ZNF500: variants seen among roughly 807,000 people sequenced by gnomAD.
The protein encoded by ZNF500 is zinc finger protein 500.
ZNF500 carries 31 observed loss-of-function variants against 30.1 expected under a neutral mutation model. The ratio of observed to expected loss-of-function variants is 1.03; its 90% CI spans 0.77 to 1.39. ZNF500 has a LOEUF of 1.39. Among genes scored for constraint, ZNF500 ranks in the 40% most tolerant of loss-of-function variants. The pLI, the probability that ZNF500 is intolerant of heterozygous loss-of-function variation, is 0.00. For synonymous variants in ZNF500, 392 were observed against 282.0 expected, an observed-to-expected ratio of 1.39 and a Z score of -3.91; for missense variants, 817 against 657.8, an observed-to-expected ratio of 1.24 and a Z score of -2.65.
In ZNF500 at chr16:4,752,507, T is replaced by G. The variant is rs1029558286; in HGVS notation, c.1312A>C (p.Thr438Pro). The part of the protein sequence containing the change: ...RRTHTGEKPY[T>P]CPACGRGFRR... The stretch of plus-strand genomic sequence containing the variant: ...AAGCCCCGGCCACAGGCCGGGCAGG[T>G]GTAGGGCTTCTCACCTGTGTGCGTC... Residue 438 changes from threonine to proline, a missense_variant, in exon 6 of 6, where the codon ACC (threonine) becomes CCC (proline). Coordinates refer to ENST00000219478, the MANE Select transcript of ZNF500 (RefSeq NM_021646.4). 1 of 1,555,174 alleles carries G rather than the reference T, an allele frequency of 6.4e-7. No homozygotes were observed. The highest frequency in any genetic ancestry group is 8.7e-7 in the Non-Finnish European group (1 of 1,155,418).
chr16:4,746,882 C>T, downstream of ZNF500: 1 of 1,481,108 alleles, frequency 6.8e-7, no homozygotes, highest in Non-Finnish European at 9.0e-7. Context: ...AGTTGGAACA[C>T]CAGGTGGAGT....
chr16:4,745,142 A>T, downstream of ZNF500: 1 of 1,212,444 alleles, frequency 8.2e-7, no homozygotes, highest in Non-Finnish European at 1.1e-6. Flanking sequence ...GCATCTGATC[A>T]GGCAGTCGCT....
At chr16:4,757,024 C>G (rs920105285) in intron 5 of ZNF500, among the ~76,000 whole-genome samples, 2 of 151,582 alleles carry the variant, frequency 1.3e-5, no homozygotes, top group African/African-American at 4.9e-5. Context: ...TGTTACTGCA[C>G]CCAACCTGGG....
chr16:4,765,601 T>G lies in ZNF500; in HGVS notation c.378A>C (p.Glu126Asp), dbSNP rs12919587. The change falls in exon 2 of 6, where the codon GAA becomes GAC. Residue 126 changes from glutamate to aspartate, a missense_variant. Coordinates refer to ENST00000219478, the MANE Select transcript of ZNF500 (RefSeq NM_021646.4). ...GTTTCCTGGGCTTCCGCTGCAGCCC[T>G]TCCACAAGGACCACGGCCTCCTCAC... ...ESGEEAVVLVEGLQRKPRKHR... is the reference protein window; with the variant it reads ...ESGEEAVVLVDGLQRKPRKHR... The G allele has an allele frequency of 6.2e-7, 1 of 1,609,498 alleles. No individual in the cohort carries two copies. The highest frequency in any genetic ancestry group is 1.3e-5 in the African/African-American group (1 of 74,728).
chr16:4,765,600 C>A lies in ZNF500; in HGVS notation c.379G>T (p.Gly127Trp). The A allele has an allele frequency of 1.2e-6, 2 of 1,610,066 alleles. No homozygotes were observed. Among genetic ancestry groups the A allele is most frequent in the Non-Finnish European group, 1.7e-6 (2 of 1,177,752 alleles). ...SGEEAVVLVE[G>W]LQRKPRKHRQ... Reference sequence around the variant, plus strand: ...TGTTTCCTGGGCTTCCGCTGCAGCCCTTCCACAAGGACCACGGCCTCCTCA... The same window carrying A: ...TGTTTCCTGGGCTTCCGCTGCAGCCATTCCACAAGGACCACGGCCTCCTCA... Residue 127 changes from glycine (G) to tryptophan (W), a missense_variant, in exon 2 of 6, where the codon GGG (glycine) becomes TGG (tryptophan). Transcript: ENST00000219478.
In ZNF500 at chr16:4,751,559, G is replaced by C; in HGVS notation, c.*817C>G. 6.5e-7 allele frequency: 1 copy of C among 1,531,964 alleles called. No homozygotes were observed. The highest frequency in any genetic ancestry group is 8.7e-7 in the Non-Finnish European group (1 of 1,145,734). The allele number at this position is 1,531,964 out of a possible 1,614,324, so 94.9% of individuals were successfully genotyped here. On this transcript the variant is annotated 3_prime_UTR_variant, in exon 6 of 6. Transcript: ENST00000219478. ...TTGGAAACTCTGGCAGGATGAAGAA[G>C]CTGGAGACCACGTCCTGGGAAGGCT...
intron 5 of ZNF500, chr16:4,758,469 C>T (rs1387514609): frequency 6.6e-6 from 1 of 152,214 alleles, no homozygotes; most frequent in African/African-American, 2.4e-5. Context: ...AGGGAATGAA[C>T]TGGACCACAG....
chr16:4,764,101 G>C (rs895382103), intron 2 of ZNF500: 3 of 985,324 alleles, frequency 3.0e-6, no homozygotes, highest in East Asian at 1.1e-4. Flanking sequence ...AGGAGGTGGA[G>C]AGGCACTGTC....
intron 5 of ZNF500, 102 bp from the exon 6 acceptor site, chr16:4,753,160 C>T: frequency 1.4e-6 from 2 of 1,450,450 alleles, no homozygotes. Flanking sequence ...TAAGGTTCCC[C>T]TACAAAACAT....
rs1483702449 is a variant in ZNF500 at position 4,752,643 on chromosome 16, C to G, written c.1176G>C (p.Gln392His). 2 of 1,612,180 alleles carry G rather than the reference C, an allele frequency of 1.2e-6. No homozygotes were observed. The highest frequency in any genetic ancestry group is 3.4e-5 in the Admixed American group (2 of 59,588). The change falls in exon 6 of 6, where the codon CAG (glutamine) becomes CAC (histidine). Residue 392 changes from glutamine to histidine, a missense_variant. Coordinates refer to ENST00000219478, the MANE Select transcript of ZNF500 (RefSeq NM_021646.4). ...TGCGGTGGATGACCAGGCTGGAGCTCTGGCTGAAGCGCTTCCCACACTCGG... is the reference window on the plus strand; with the variant it reads ...TGCGGTGGATGACCAGGCTGGAGCTGTGGCTGAAGCGCTTCCCACACTCGG... ...PCPECGKRFS[Q>H]SSSLVIHRRT...
At position 4,765,856 on chromosome 16, in the gene ZNF500, C is replaced by T; in HGVS notation, c.123G>A (p.Thr41=). 3 of 1,613,770 alleles carry T rather than the reference C, an allele frequency of 1.9e-6. No homozygotes were observed. Among genetic ancestry groups the T allele is most frequent in the South Asian group, 1.1e-5 (1 of 91,086 alleles). ...GGAAAGTCTCAGGGCTGGGGTCCTC[C>T]GTCTCCACGGAGGGCTCCTCTTCCA... ...FCLEEEPSVE[T]EDPSPETFRQ... Residue 41 remains threonine (T), a synonymous_variant, in exon 2 of 6, where the codon ACG becomes ACA. Transcript: ENST00000219478.
rs777034839 is a variant in ZNF500, at chr16:4,762,222, A to G, written c.663+49T>C. Reference sequence around the variant, plus strand: ...TTAACAAGGAAGTGTGACACACAGGAGGTCGGGCCAGACCCCAGGATGCTG... The same window carrying G: ...TTAACAAGGAAGTGTGACACACAGGGGGTCGGGCCAGACCCCAGGATGCTG... On this transcript the variant is annotated intron_variant, in intron 4 of 5. Transcript: ENST00000219478. 3.2e-6 allele frequency: 5 copies of G among 1,586,574 alleles called. No homozygotes were observed. In the East Asian group the frequency reaches 1.1e-4, roughly 36 times the overall value.
downstream of ZNF500, chr16:4,746,025 G>A (rs996982065): frequency 4.1e-5 from 8 of 194,992 alleles, no homozygotes; most frequent in Non-Finnish European, 8.3e-5. Context: ...GCCATTAGCC[G>A]TGTGTGGCTA....
chr16:4,765,973 G>T lies in ZNF500; in HGVS notation c.6C>A (p.Ala2=). The part of the protein sequence containing the change: M[A]TVPGLQPLPT... ...GCAGGGGCTGGAGGCCAGGGACAGT[G>T]GCCATTGCTTCCGGTGGGCCTTGTT... The change falls in exon 2 of 6, where the codon GCC becomes GCA. Residue 2 remains alanine, a synonymous_variant. Transcript: ENST00000219478. 1 of 1,556,888 alleles carries T rather than the reference G, an allele frequency of 6.4e-7. No individual in the cohort carries two copies. The highest frequency in any genetic ancestry group is 8.7e-7 in the Non-Finnish European group (1 of 1,155,280).
Position 4,751,697 on chromosome 16 carries a change from A to C in ZNF500, c.*679T>G. On this transcript the variant is annotated 3_prime_UTR_variant, in exon 6 of 6. Coordinates refer to ENST00000219478, the MANE Select transcript of ZNF500 (RefSeq NM_021646.4). ...ACGGGTTTTGATGATATAATTAGTT[A>C]AGATGAGGTCACAGTGTATTGGGGG... 1 of 1,487,468 alleles carries C rather than the reference A, an allele frequency of 6.7e-7. No homozygotes were observed. Among genetic ancestry groups the C allele is most frequent in the Non-Finnish European group, 9.1e-7 (1 of 1,103,454 alleles). 92.1% of individuals were successfully genotyped at this position (1,487,468 alleles called of 1,614,324 possible).
At chr16:4,753,236 G>C in intron 5 of ZNF500, 178 bp from the exon 6 acceptor site, 1 of 1,275,782 alleles carries the variant, frequency 7.8e-7, no homozygotes, top group Non-Finnish European at 1.0e-6. Flanking sequence ...TGAAGTGGGA[G>C]GATTGCTTGA....
rs2082064815 is a variant in ZNF500, at chr16:4,750,269, GCCCCA to G, written c.*2102_*2106del. 6.6e-6 allele frequency: 1 copy of G among 152,328 alleles called. No homozygotes were observed. The highest frequency in any genetic ancestry group is 1.5e-5 in the Non-Finnish European group (1 of 68,168). 9.4% of individuals were successfully genotyped at this position (152,328 alleles called of 1,614,324 possible). On this transcript the variant is annotated 3_prime_UTR_variant, in exon 6 of 6. Transcript: ENST00000219478. Reference sequence around the variant, plus strand: ...GTAAAAGCCGTCCCTCAACCAGGCAGCCCCATTCTGCAGACACAGGACAGAGCACA... The same window carrying G: ...GTAAAAGCCGTCCCTCAACCAGGCAGTTCTGCAGACACAGGACAGAGCACA...
At chr16:4,761,666 C>G (rs116065240) in intron 4 of ZNF500, among the ~76,000 whole-genome samples, 1 of 150,256 alleles carries the variant, frequency 6.7e-6, no homozygotes, top group African/African-American at 2.5e-5. Context: ...GGCAGCACAG[C>G]GAGACTGTGT....
chr16:4,765,625 A>G lies in ZNF500; in HGVS notation c.354T>C (p.Gly118=). ...CTTCCACAAGGACCACGGCCTCCTC[A>G]CCGCTCTCCGGCTGCTGCTCGCGTA... ...ARVREQQPES[G]EEAVVLVEGL... is the part of the protein sequence containing the mutation. The change falls in exon 2 of 6, where the codon GGT becomes GGC. Residue 118 remains glycine (G), a synonymous_variant. Coordinates refer to ENST00000219478, the MANE Select transcript of ZNF500 (RefSeq NM_021646.4). The G allele has an allele frequency of 6.2e-7, 1 of 1,613,234 alleles. No homozygotes were observed. The highest frequency in any genetic ancestry group is 8.5e-7 in the Non-Finnish European group (1 of 1,179,802).
Sources: allele counts gnomAD v4.1 joint callset (sites outside exome capture counted in the v4.1 genomes callset), GRCh38; gene constraint gnomAD v4.1.1; transcripts MANE v1.5; gene names NCBI Gene and HGNC (gene_info 2026-07-23, HGNC 2026-07-21).